The following MCTP1 variants were observed in gnomAD, a reference collection of about 807,000 sequenced individuals.
MCTP1 encodes multiple C2 and transmembrane domain-containing protein 1.
In MCTP1, 69 loss-of-function variants were observed where a neutral mutation model predicts 120.6. The ratio of observed to expected loss-of-function variants is 0.57; its 90% CI spans 0.47 to 0.70. MCTP1 has a LOEUF of 0.70. MCTP1 is among the 30% of genes least tolerant of loss of function. MCTP1 has a pLI of 0.00. For missense variants in MCTP1, 1,203 were observed against 1,248.8 expected, an observed-to-expected ratio of 0.96 and a Z score of 0.55; for synonymous variants, 529 against 493.1, an observed-to-expected ratio of 1.07 and a Z score of -0.96.
chr5:95,151,724 A>C (rs1760913418), intron 1 of MCTP1, among the ~76,000 whole-genome samples: 1 of 152,114 alleles, frequency 6.6e-6, no homozygotes, highest in African/African-American at 2.4e-5. Context: ...AGATTAGGAG[A>C]TCCTACCACT....
At chr5:94,884,914 A>C (rs970966591) in intron 12 of MCTP1, among the ~76,000 whole-genome samples, 1 of 152,210 alleles carries the variant, frequency 6.6e-6, no homozygotes, top group Non-Finnish European at 1.5e-5. Context: ...TATGCAAATA[A>C]AGGGGTAGTA....
chr5:94,743,211 C>T (rs1040954117), intron 19 of MCTP1, among the ~76,000 whole-genome samples: 6 of 148,318 alleles, frequency 4.0e-5, no homozygotes, highest in African/African-American at 7.5e-5. Context: ...ATAAATGGGA[C>T]GAAGCAAGAA....
At chr5:95,080,974 TAA>T (rs1256453739) in intron 1 of MCTP1, among the ~76,000 whole-genome samples, 1 of 152,224 alleles carries the variant, frequency 6.6e-6, no homozygotes, top group Non-Finnish European at 1.5e-5. Flanking sequence ...TAATAATTAC[TAA>T]GACTACTTTT....
rs200472086 is a variant in MCTP1 at position 95,284,182 on chromosome 5, C to A, written c.394G>T (p.Ala132Ser). 1.3e-6 allele frequency: 2 copies of A among 1,550,914 alleles called. No individual in the cohort carries two copies. The highest frequency in any genetic ancestry group is 8.7e-7 in the Non-Finnish European group (1 of 1,149,222). Residue 132 changes from alanine (A) to serine (S), a missense_variant, in exon 1 of 23, where the codon GCC becomes TCC. Around this residue, in one of 2 missense-constraint regions of MCTP1, gnomAD observed 463 missense variants for 377.8 expected, o/e 1.23. Coordinates refer to ENST00000515393, the MANE Select transcript of MCTP1 (RefSeq NM_024717.7). The surrounding 1 kb of genome is among the most constrained non-coding windows in gnomAD (Gnocchi z 5.2). ...GAGGCCGCCGCGGGCCCCTTTACGGCGGGGAGCAAATGCTCGCGGATCCGG... is the reference window on the plus strand; with the variant it reads ...GAGGCCGCCGCGGGCCCCTTTACGGAGGGGAGCAAATGCTCGCGGATCCGG... ...RRRIREHLLP[A>S]VKGPAAASGA...
chr5:95,187,524 CA>C (rs1327112417), intron 1 of MCTP1, among the ~76,000 whole-genome samples: 1 of 152,136 alleles, frequency 6.6e-6, no homozygotes, highest in Non-Finnish European at 1.5e-5. Context: ...CTCAGCCTCC[CA>C]AGTAGCTGGG....
chr5:94,804,039 C>A (rs920069198), intron 17 of MCTP1, among the ~76,000 whole-genome samples: 2 of 152,180 alleles, frequency 1.3e-5, no homozygotes, highest in African/African-American at 2.4e-5. Context: ...AAGAAGCCAA[C>A]CAAAGATGCA....
intron 1 of MCTP1, among the ~76,000 whole-genome samples, chr5:95,211,321 G>A (rs1244089939): frequency 6.6e-6 from 1 of 152,154 alleles, no homozygotes; most frequent in African/African-American, 2.4e-5. Context: ...CCAATCAGAC[G>A]TAGATTTGGT....
chr5:95,012,757 G>A (rs1233880396), intron 2 of MCTP1, among the ~76,000 whole-genome samples: 1 of 151,942 alleles, frequency 6.6e-6, no homozygotes, highest in Non-Finnish European at 1.5e-5. Context: ...CTGCTCCACC[G>A]ACCAGCTGTT....
At chr5:95,074,765 C>CA (rs1753139798) in intron 1 of MCTP1, among the ~76,000 whole-genome samples, 2 of 151,930 alleles carry the variant, frequency 1.3e-5, no homozygotes, top group African/African-American at 4.8e-5. Context: ...AAATATGGCT[C>CA]AAAAAAATGT....
chr5:95,009,074 G>T (rs1004360005), intron 2 of MCTP1, among the ~76,000 whole-genome samples: 2 of 38,876 alleles, frequency 5.1e-5, no homozygotes, highest in East Asian at 7.0e-4. Context: ...GAGAGAGAGA[G>T]AGAGAGAGAG....
At chr5:95,037,526 T>A (rs972366702) in intron 1 of MCTP1, among the ~76,000 whole-genome samples, 1 of 152,190 alleles carries the variant, frequency 6.6e-6, no homozygotes, top group Admixed American at 6.5e-5. Flanking sequence ...CAATTTTCTG[T>A]AGATGTGTAG....
At chr5:95,171,341 A>T (rs955029268) in intron 1 of MCTP1, among the ~76,000 whole-genome samples, 1 of 152,016 alleles carries the variant, frequency 6.6e-6, no homozygotes, top group Admixed American at 6.6e-5. Flanking sequence ...GCTGCCCTTA[A>T]CATTTTTTCC....
chr5:95,090,706 T>C (rs1755783014), intron 1 of MCTP1, among the ~76,000 whole-genome samples: 1 of 152,228 alleles, frequency 6.6e-6, no homozygotes, highest in African/African-American at 2.4e-5. Context: ...ATGCTTTGGC[T>C]GTCCAGATTC....
intron 1 of MCTP1, among the ~76,000 whole-genome samples, chr5:95,260,092 C>T (rs954841206): frequency 6.6e-6 from 1 of 152,120 alleles, no homozygotes; most frequent in African/African-American, 2.4e-5. Flanking sequence ...TGTGCTTATC[C>T]TGTATCTGTA....
At chr5:95,232,509 A>C in intron 1 of MCTP1, among the ~76,000 whole-genome samples, 1 of 149,278 alleles carries the variant, frequency 6.7e-6, no homozygotes, top group East Asian at 2.0e-4. Flanking sequence ...CCCAGGCTGG[A>C]ATGCAGTGGC....
intron 1 of MCTP1, among the ~76,000 whole-genome samples, chr5:95,158,169 A>G (rs988621894): frequency 2.0e-5 from 3 of 152,238 alleles, no homozygotes; most frequent in Admixed American, 2.0e-4. Flanking sequence ...ACAGACCTGC[A>G]CAATATGGAC....
intron 15 of MCTP1, 110 bp from the exon 16 acceptor site, chr5:94,870,601 T>A: frequency 1.2e-6 from 1 of 830,674 alleles, no homozygotes; most frequent in Non-Finnish European, 2.0e-6. Context: ...TCCTGGCTGC[T>A]GTGCTCATAA....
intron 1 of MCTP1, among the ~76,000 whole-genome samples, chr5:95,211,260 T>C (rs1234941545): frequency 6.6e-6 from 1 of 152,210 alleles, no homozygotes; most frequent in African/African-American, 2.4e-5. Flanking sequence ...GATAATATCC[T>C]GCAGAGTGTT....
chr5:94,978,854 T>C (rs1397906105), intron 2 of MCTP1: 2 of 110,460 alleles, frequency 1.8e-5, no homozygotes, highest in African/African-American at 7.0e-5. Flanking sequence ...ATGTTAAGTG[T>C]TCTTACCACA....
Sources: gnomAD v4.1 joint callset for allele counts (sites outside exome capture counted in the v4.1 genomes callset) on GRCh38, gnomAD v4.1.1 for gene constraint, gnomAD v4.1.1 regional missense constraint, Gnocchi (gnomAD v3.1) non-coding constraint, MANE v1.5 for transcripts, NCBI Gene and HGNC (gene_info 2026-07-23, HGNC 2026-07-21) for gene names.